Variants in ZC3H14 observed in about 807,000 individuals in gnomAD.
ZC3H14 encodes zinc finger CCCH domain-containing protein 14.
ZC3H14 carries 31 observed loss-of-function variants against 92.4 expected under a neutral mutation model. The observed-to-expected ratio is 0.34, with a 90% CI of 0.25 to 0.45. The LOEUF (loss-of-function observed/expected upper bound fraction) is 0.45. Ranked by LOEUF, ZC3H14 falls within the 20% of genes least tolerant of loss-of-function variation. The pLI, the probability that ZC3H14 is intolerant of heterozygous loss-of-function variation, is 1.00. For missense variants in ZC3H14, 781 were observed against 897.3 expected (o/e 0.87, Z 1.66); for synonymous variants, 321 against 300.9 (o/e 1.07, Z -0.69).
At position 88,616,912 on chromosome 14, in the gene ZC3H14, G is replaced by A. The variant is rs1299954168; in HGVS notation, c.*5161G>A. On this transcript the variant is annotated 3_prime_UTR_variant, in exon 17 of 17. Coordinates refer to ENST00000251038, the MANE Select transcript of ZC3H14 (RefSeq NM_024824.5). ...GAAGGAACAAAAGAAAACTCATCAT[G>A]GCAAGTGCGGGCAGGTTGACTATAT... 1.2e-6 allele frequency: 2 copies of A among 1,602,314 alleles called. No homozygotes were observed. The highest frequency in any genetic ancestry group is 2.7e-5 in the African/African-American group (2 of 74,496).
Position 88,575,956 on chromosome 14 carries a change from T to G in ZC3H14, c.1123+16T>G, listed in dbSNP as rs1464345863. ...TACTCTACAGGTAATTTAAATGTAT[T>G]ATGTTTACACTTGGTAAGACATTTC... On this transcript the variant is annotated intron_variant, in intron 8 of 16. Coordinates refer to ENST00000251038, the MANE Select transcript of ZC3H14 (RefSeq NM_024824.5). 1 of 1,567,926 alleles carries G rather than the reference T, an allele frequency of 6.4e-7. No homozygotes were observed. Among genetic ancestry groups the G allele is most frequent in the Admixed American group, 1.7e-5 (1 of 59,924 alleles).
intron 9 of ZC3H14, chr14:88,595,039 G>T (rs1437355281): frequency 6.2e-7 from 1 of 1,613,410 alleles, no homozygotes; most frequent in Non-Finnish European, 8.5e-7. Context: ...TGAAGATCAA[G>T]AAGAAGATAC....
At chr14:88,608,583 T>TA (rs929722212) in intron 13 of ZC3H14, 1 of 219,576 alleles carries the variant, frequency 4.6e-6, no homozygotes, top group African/African-American at 2.3e-5. Context: ...GATACTGAAA[T>TA]ACCTGGGGTT....
At chr14:88,603,087 G>A in intron 12 of ZC3H14, 27 bp downstream of exon 12, 1 of 1,604,924 alleles carries the variant, frequency 6.2e-7, no homozygotes. Context: ...GATTTTCAGG[G>A]TGCTGTCATT....
At chr14:88,593,912 C>G (rs1233957994) in intron 9 of ZC3H14, among the ~76,000 whole-genome samples, 2 of 149,532 alleles carry the variant, frequency 1.3e-5, no homozygotes, top group Non-Finnish European at 3.0e-5. Context: ...AAAAAGACAA[C>G]AAAATGGGAG....
rs1429085718 is a variant in ZC3H14, at chr14:88,620,028, G to GGACA, written c.*8278_*8281dup. The GGACA allele has an allele frequency of 6.6e-6, 1 of 152,194 alleles. No homozygotes were observed. The highest frequency in any genetic ancestry group is 1.5e-5 in the Non-Finnish European group (1 of 68,044). 9.4% of individuals were successfully genotyped at this position (152,194 alleles called of 1,614,324 possible). ...GCCTAGCAATCTTTGGAGTCATATG[G>GGACA]GACAATTCAGTCTCTTGAAATGGCC... On this transcript the variant is annotated 3_prime_UTR_variant, in exon 17 of 17. Coordinates refer to ENST00000251038, the MANE Select transcript of ZC3H14 (RefSeq NM_024824.5). This position sits in a 1 kb window ranked among gnomAD's most constrained non-coding sequence, Gnocchi z 4.3.
Position 88,616,052 on chromosome 14 carries a change from A to AT in ZC3H14, c.*4304dup, listed in dbSNP as rs61173654. The AT allele has an allele frequency of 0.25, 355,047 of 1,419,770 alleles. 46,657 individuals are homozygous for AT. The highest frequency in any genetic ancestry group is 0.37 in the East Asian group (16,273 of 43,714). The allele number at this position is 1,419,770 out of a possible 1,614,324, so 87.9% of individuals were successfully genotyped here. A position where few individuals can be genotyped will look rare whatever the true frequency, so the allele number is the denominator to read the frequency against. ...ACCTTCTACTAATGTTGACTAGCTGATTTCATAAACCAAAGCTGTAGGAGT... is the reference window on the plus strand; with the variant it reads ...ACCTTCTACTAATGTTGACTAGCTGATTTTCATAAACCAAAGCTGTAGGAGT... On this transcript the variant is annotated 3_prime_UTR_variant, in exon 17 of 17. Transcript: ENST00000251038.
chr14:88,590,801 T>A (rs1034922944), intron 9 of ZC3H14: 7 of 152,210 alleles, frequency 4.6e-5, no homozygotes, highest in African/African-American at 1.7e-4. Flanking sequence ...TGTTACTGAG[T>A]GCCCAGAGCA....
chr14:88,583,524 TTCA>T (rs2082154797), intron 9 of ZC3H14, among the ~76,000 whole-genome samples: 1 of 152,216 alleles, frequency 6.6e-6, no homozygotes, highest in Non-Finnish European at 1.5e-5. Flanking sequence ...CAGGTTTTAA[TTCA>T]TCATGTTTTC....
At position 88,612,107 on chromosome 14, in the gene ZC3H14, G is replaced by A. The variant is rs1480119404; in HGVS notation, c.*356G>A. The A allele has an allele frequency of 3.9e-6, 1 of 256,986 alleles. No individual in the cohort carries two copies. Among genetic ancestry groups the A allele is most frequent in the East Asian group, 7.9e-5 (1 of 12,694 alleles). The allele number at this position is 256,986 out of a possible 1,614,324, so 15.9% of individuals were successfully genotyped here. Reference sequence around the variant, plus strand: ...CAGCTTAGGGGGCTACACGGTTGCTGTGTGAGTGGAGAGATGCAGTGAGGC... The same window carrying A: ...CAGCTTAGGGGGCTACACGGTTGCTATGTGAGTGGAGAGATGCAGTGAGGC... On this transcript the variant is annotated 3_prime_UTR_variant, in exon 17 of 17. Transcript: ENST00000251038.
At position 88,626,651 on chromosome 14, in the gene ZC3H14, A is replaced by T; in HGVS notation, c.*14900A>T. 1.5e-6 allele frequency: 1 copy of T among 655,498 alleles called. No individual in the cohort carries two copies. 40.6% of individuals were successfully genotyped at this position (655,498 alleles called of 1,614,324 possible). Reference sequence around the variant, plus strand: ...AAAAAATCCTTTTCCCCCTCTCATTAACATTCTTTTCACTCCCTAATTTCT... The same window carrying T: ...AAAAAATCCTTTTCCCCCTCTCATTTACATTCTTTTCACTCCCTAATTTCT... On this transcript the variant is annotated 3_prime_UTR_variant, in exon 17 of 17. Transcript: ENST00000251038.
intron 5 of ZC3H14, 51 bp downstream of exon 5, chr14:88,572,276 C>T (rs2080522939): frequency 3.2e-6 from 5 of 1,581,564 alleles, no homozygotes; most frequent in Non-Finnish European, 4.3e-6. Flanking sequence ...GTGTATGTGA[C>T]ATTTATATTA....
intron 10 of ZC3H14, among the ~76,000 whole-genome samples, chr14:88,599,309 G>C (rs1270560462): frequency 6.6e-6 from 1 of 152,064 alleles, no homozygotes; most frequent in Non-Finnish European, 1.5e-5. Context: ...TTAATCATCT[G>C]TTTTCCACTT....
At chr14:88,564,623 T>G (rs2079329282) in intron 2 of ZC3H14, among the ~76,000 whole-genome samples, 1 of 152,238 alleles carries the variant, frequency 6.6e-6, no homozygotes, top group Non-Finnish European at 1.5e-5. Flanking sequence ...TTGGATTGTG[T>G]AAAACTAATG....
intron 9 of ZC3H14, among the ~76,000 whole-genome samples, chr14:88,593,368 C>CGGCA (rs2083397076): frequency 6.6e-6 from 1 of 152,040 alleles, no homozygotes; most frequent in South Asian, 2.1e-4. Flanking sequence ...TTGTAGAAAT[C>CGGCA]GGCAGGCTGA....
chr14:88,602,060 T>A lies in ZC3H14; in HGVS notation c.1491T>A (p.Leu497=). 6.2e-7 allele frequency: 1 copy of A among 1,614,066 alleles called. No individual in the cohort carries two copies. The highest frequency in any genetic ancestry group is 8.5e-7 in the Non-Finnish European group (1 of 1,179,952). ...GMKTADSLRV[L]SGHLMQTRDL... ...AGACTGCAGATTCCCTTCGGGTACT[T>A]TCAGGACACCTTATGCAGACACGGT... Residue 497 remains leucine (L), a synonymous_variant, in exon 11 of 17, where the codon CTT becomes CTA. Coordinates refer to ENST00000251038, the MANE Select transcript of ZC3H14 (RefSeq NM_024824.5).
In ZC3H14 at chr14:88,614,715, T is replaced by C. The variant is rs1393584614; in HGVS notation, c.*2964T>C. ...TGATGAGTAGTGATCTTTGGCAGCA[T>C]TTAAAGTGAAAAGAAATAAGGATCT... On this transcript the variant is annotated 3_prime_UTR_variant, in exon 17 of 17. Transcript: ENST00000251038. 2 of 152,126 alleles carry C rather than the reference T, an allele frequency of 1.3e-5. No homozygotes were observed. Among genetic ancestry groups the C allele is most frequent in the Non-Finnish European group, 2.9e-5 (2 of 68,004 alleles). 9.4% of individuals were successfully genotyped at this position (152,126 alleles called of 1,614,324 possible).
chr14:88,607,161 G>A, intron 12 of ZC3H14, 82 bp from the exon 13 acceptor site: 1 of 1,602,646 alleles, frequency 6.2e-7, no homozygotes, highest in South Asian at 1.1e-5. Flanking sequence ...TCTAAGACAG[G>A]TTTGAGGGAA....
In ZC3H14 at chr14:88,592,971, CT is replaced by C. The variant is rs11403585; in HGVS notation, c.1280-3748del. Reference sequence around the variant, plus strand: ...TAATGGATTGGAAGTCTTTACTATTCTTTTTTTTTTTTTTTGAGATGGAGTC... The same window carrying C: ...TAATGGATTGGAAGTCTTTACTATTCTTTTTTTTTTTTTTGAGATGGAGTC... On this transcript the variant is annotated intron_variant, in intron 9 of 16. Coordinates refer to ENST00000251038, the MANE Select transcript of ZC3H14 (RefSeq NM_024824.5). Among the ~76,000 whole-genome samples, 611 of 140,540 alleles carry C rather than the reference CT, an allele frequency of 4.3e-3. 3 individuals are homozygous for C. The highest frequency in any genetic ancestry group is 0.014 in the African/African-American group (537 of 38,232). 92.2% of individuals were successfully genotyped at this position (140,540 alleles called of 152,430 possible).
Sources: gnomAD v4.1 joint callset for allele counts (sites outside exome capture counted in the v4.1 genomes callset) on GRCh38, gnomAD v4.1.1 for gene constraint, Gnocchi (gnomAD v3.1) non-coding constraint, MANE v1.5 for transcripts, NCBI Gene and HGNC (gene_info 2026-07-23, HGNC 2026-07-21) for gene names.